ZMIZ1: variants seen among roughly 807,000 people sequenced by gnomAD.
ZMIZ1 encodes the protein zinc finger MIZ-type containing 1, also known as zinc finger MIZ domain-containing protein 1.
Under a neutral mutation model 113.9 loss-of-function variants are expected in ZMIZ1, and 17 were observed. The ratio of observed to expected loss-of-function variants is 0.15; its 90% CI spans 0.10 to 0.22. The LOEUF is 0.22. ZMIZ1 is among the 10% of genes least tolerant of loss of function. ZMIZ1 has a pLI of 1.00. For missense variants in ZMIZ1, 1,059 were observed against 1,477.8 expected (o/e 0.72, Z 4.65); for synonymous variants, 607 against 603.1 (o/e 1.01, Z -0.09).
rs566979070 is a variant in ZMIZ1 at position 79,171,614 on chromosome 10, A to G, written c.-50+9481A>G. Reference sequence around the variant, plus strand: ...CACAGGGGAGCTCACAGTCTAGGCCACTGTAGGTCACATGCAGGAAGAAAA... The same window carrying G: ...CACAGGGGAGCTCACAGTCTAGGCCGCTGTAGGTCACATGCAGGAAGAAAA... On this transcript the variant is annotated intron_variant, in intron 4 of 24. Transcript: ENST00000334512. 5.9e-5 allele frequency among the ~76,000 whole-genome samples: 9 copies of G among 152,360 alleles called. 1 individual carries two copies. The highest frequency in any genetic ancestry group is 3.4e-3 in the Middle Eastern group (1 of 294).
intron 8 of ZMIZ1, among the ~76,000 whole-genome samples, chr10:79,284,561 G>C (rs1037136628): frequency 4.6e-5 from 7 of 152,166 alleles, no homozygotes; most frequent in African/African-American, 1.2e-4. Flanking sequence ...GCTGGTTGGA[G>C]GACTGGAGAG....
intron 7 of ZMIZ1, among the ~76,000 whole-genome samples, chr10:79,217,917 A>G (rs1848804514): frequency 1.3e-5 from 2 of 152,250 alleles, no homozygotes; most frequent in Admixed American, 1.3e-4. Context: ...GACTTAAGTC[A>G]ATACAATGTT....
At chr10:79,284,841 C>T (rs1852962164) in intron 8 of ZMIZ1, among the ~76,000 whole-genome samples, 1 of 152,190 alleles carries the variant, frequency 6.6e-6, no homozygotes. Flanking sequence ...AAAGGGGTCC[C>T]TGAATCTTTG....
intron 1 of ZMIZ1, among the ~76,000 whole-genome samples, chr10:79,097,395 G>C (rs770238102): frequency 4.6e-5 from 7 of 152,196 alleles, no homozygotes; most frequent in Non-Finnish European, 1.0e-4. Context: ...GGAGGCTGAG[G>C]GGTGCAAGGG....
At chr10:79,223,862 C>A (rs1307084346) in intron 7 of ZMIZ1, among the ~76,000 whole-genome samples, 2 of 152,188 alleles carry the variant, frequency 1.3e-5, no homozygotes, top group African/African-American at 4.8e-5. Context: ...GGCCTGAGAT[C>A]CGGTGGCCTC....
At chr10:79,214,285 G>T (rs1848634953) in intron 6 of ZMIZ1, among the ~76,000 whole-genome samples, 1 of 152,204 alleles carries the variant, frequency 6.6e-6, no homozygotes. Context: ...TAAGGAGTGT[G>T]GAAGACTTCT....
intron 2 of ZMIZ1, among the ~76,000 whole-genome samples, chr10:79,128,165 G>T (rs1844596588): frequency 6.6e-6 from 1 of 152,116 alleles, no homozygotes; most frequent in Non-Finnish European, 1.5e-5. Context: ...TTCTCCCTGG[G>T]TGCAGTACCT....
intron 1 of ZMIZ1, among the ~76,000 whole-genome samples, chr10:79,093,815 G>T (rs1478721688): frequency 6.6e-6 from 1 of 152,158 alleles, no homozygotes; most frequent in Non-Finnish European, 1.5e-5. Context: ...CATCCCTGCC[G>T]CAAGCACTCT....
At chr10:79,307,156 C>T (rs1427078460) in intron 22 of ZMIZ1, among the ~76,000 whole-genome samples, 1 of 152,134 alleles carries the variant, frequency 6.6e-6, no homozygotes, top group Non-Finnish European at 1.5e-5. Flanking sequence ...TGGCCCGCCC[C>T]CTTTGTCCCA....
intron 20 of ZMIZ1, 139 bp from the exon 21 acceptor site, chr10:79,305,394 G>A (rs930665526): frequency 5.2e-5 from 63 of 1,202,778 alleles, no homozygotes; most frequent in South Asian, 1.6e-4. Flanking sequence ...GGTATCACGC[G>A]GTCAGAGTCC....
At chr10:79,280,638 C>T (rs1310346816) in intron 8 of ZMIZ1, among the ~76,000 whole-genome samples, 1 of 151,706 alleles carries the variant, frequency 6.6e-6, no homozygotes, top group Non-Finnish European at 1.5e-5. Context: ...GGTCCCTACC[C>T]ACTCTGTTCT....
chr10:79,247,909 T>C (rs1435542786), intron 7 of ZMIZ1, among the ~76,000 whole-genome samples: 2 of 152,232 alleles, frequency 1.3e-5, no homozygotes, highest in African/African-American at 4.8e-5. Flanking sequence ...CAAATTAGTG[T>C]GTGACCTTTG....
intron 4 of ZMIZ1, among the ~76,000 whole-genome samples, chr10:79,165,963 T>TGCGCGCGCGCATGCGCGCGCGC (rs1554860939): frequency 9.2e-5 from 4 of 43,446 alleles, no homozygotes; most frequent in African/African-American, 5.0e-4. Context: ...TGTGTGTGTG[T>TGCGCGCGCGCATGCGCGCGCGC]GTGTGTGTGT....
chr10:79,305,160 G>T lies in ZMIZ1; in HGVS notation c.2287-4G>T. On this transcript the variant is annotated splice_region_variant and splice_polypyrimidine_tract_variant and intron_variant, in intron 19 of 24. Transcript: ENST00000334512. ...CTCACCTGTGTCTGTCTGTCTGTCTGCAGTGCTTTGATCTGGAGTCATACC... is the reference window on the plus strand; with the variant it reads ...CTCACCTGTGTCTGTCTGTCTGTCTTCAGTGCTTTGATCTGGAGTCATACC... 6.2e-7 allele frequency: 1 copy of T among 1,614,146 alleles called. No homozygotes were observed. The highest frequency in any genetic ancestry group is 8.5e-7 in the Non-Finnish European group (1 of 1,180,016).
At chr10:79,238,923 G>A (rs1219127436) in intron 7 of ZMIZ1, among the ~76,000 whole-genome samples, 1 of 152,212 alleles carries the variant, frequency 6.6e-6, no homozygotes, top group African/African-American at 2.4e-5. Context: ...GGAGAGCAGA[G>A]GCCAGGATCC....
chr10:79,311,970 C>T (rs1855203733), intron 24 of ZMIZ1, among the ~76,000 whole-genome samples: 1 of 152,220 alleles, frequency 6.6e-6, no homozygotes, highest in Non-Finnish European at 1.5e-5. Context: ...ATCAGAGGAG[C>T]TCTGTGCTAG....
At position 79,311,359 on chromosome 10, in the gene ZMIZ1, C is replaced by T. The variant is rs188237380; in HGVS notation, c.3096+175C>T. 1.8e-3 allele frequency among the ~76,000 whole-genome samples: 279 copies of T among 152,306 alleles called. 3 individuals are homozygous for T. Among genetic ancestry groups the T allele is most frequent in the African/African-American group, 6.5e-3 (269 of 41,580 alleles). ...AGGAAGCCCCATGATGGGGAAGTGTCACCACTGAGGGTCCCCACCCTGCTG... is the reference window on the plus strand; with the variant it reads ...AGGAAGCCCCATGATGGGGAAGTGTTACCACTGAGGGTCCCCACCCTGCTG... On this transcript the variant is annotated intron_variant, in intron 24 of 24. Transcript: ENST00000334512.
At chr10:79,137,061 T>G (rs747607327) in intron 2 of ZMIZ1, among the ~76,000 whole-genome samples, 1 of 152,244 alleles carries the variant, frequency 6.6e-6, no homozygotes, top group Non-Finnish European at 1.5e-5. Context: ...TCTAAATATA[T>G]ATTTGTAATG....
At chr10:79,262,226 G>A (rs1268652739) in intron 7 of ZMIZ1, among the ~76,000 whole-genome samples, 1 of 152,256 alleles carries the variant, frequency 6.6e-6, no homozygotes, top group Non-Finnish European at 1.5e-5. Context: ...GGGGTCCCCA[G>A]GTCAGCAGCA....
Sources: allele counts gnomAD v4.1 joint callset (sites outside exome capture counted in the v4.1 genomes callset), GRCh38; gene constraint gnomAD v4.1.1; transcripts MANE v1.5; gene names NCBI Gene and HGNC (gene_info 2026-07-23, HGNC 2026-07-21).